PAK6: variants seen among roughly 807,000 people sequenced by gnomAD.
PAK6 encodes the protein p21 (RAC1) activated kinase 6, also known as serine/threonine-protein kinase PAK 6.
A neutral mutation model predicts 60.8 loss-of-function variants in PAK6; 33 were observed. The observed-to-expected ratio is 0.54, with a 90% CI of 0.41 to 0.73. The LOEUF (loss-of-function observed/expected upper bound fraction) is 0.73, where lower values mean the gene tolerates loss of function less well. Among genes scored for constraint, PAK6 ranks in the 30% least tolerant of loss-of-function variants. The pLI is 0.00. For missense variants in PAK6, 845 were observed against 904.1 expected (o/e 0.93, Z 0.84); for synonymous variants, 404 against 378.5 (o/e 1.07, Z -0.78).
exon 1 of PAK6, chr15:40,239,678 C>T (rs1006721342): frequency 6.6e-5 from 10 of 152,476 alleles, no homozygotes; most frequent in African/African-American, 2.4e-4. Flanking sequence ...TCCGAGCTGA[C>T]TGGAGTCCTC....
At chr15:40,267,199 G>A (rs2039166433) in intron 5 of PAK6, among the ~76,000 whole-genome samples, 4 of 148,210 alleles carry the variant, frequency 2.7e-5, no homozygotes, top group African/African-American at 1.0e-4. Flanking sequence ...CAGTGGCATG[G>A]GTAATGGAGC....
chr15:40,252,520 G>C lies in PAK6; in HGVS notation c.-117-658G>C, dbSNP rs758267511. 8 of 1,363,096 alleles carry C rather than the reference G, an allele frequency of 5.9e-6. No homozygotes were observed. In the South Asian group the frequency reaches 9.1e-5, roughly 15 times the overall value. The allele number at this position is 1,363,096 out of a possible 1,614,324, so 84.4% of individuals were successfully genotyped here. A position where few individuals can be genotyped will look rare whatever the true frequency, so the allele number is the denominator to read the frequency against. On this transcript the variant is annotated intron_variant, in intron 2 of 10. Coordinates refer to ENST00000560346, the Ensembl canonical transcript of PAK6. ...TCCCGCGCTCTGGGTTCGCCGCCGCGTCCTACCTGAGGCCACACCCTGAAA... is the reference window on the plus strand; with the variant it reads ...TCCCGCGCTCTGGGTTCGCCGCCGCCTCCTACCTGAGGCCACACCCTGAAA...
At position 40,272,853 on chromosome 15, in the gene PAK6, C is replaced by T. The variant is rs372975634; in HGVS notation, c.1357-13C>T. The T allele has an allele frequency of 2.5e-6, 4 of 1,612,424 alleles. No individual in the cohort carries two copies. In the African/African-American group the frequency reaches 4.0e-5, roughly 16 times the overall value. On this transcript the variant is annotated splice_polypyrimidine_tract_variant and intron_variant, in intron 6 of 10. Coordinates refer to ENST00000560346, the Ensembl canonical transcript of PAK6. ...GCACTGTGCCTGGCACTCAGGCCCC[C>T]GCCTGCCCCCAGGTGGTGATCATGC...
intron 5 of PAK6, among the ~76,000 whole-genome samples, chr15:40,267,564 CAGG>C (rs2039178971): frequency 6.6e-6 from 1 of 152,178 alleles, no homozygotes; most frequent in Non-Finnish European, 1.5e-5. Context: ...GAGGCTGAGG[CAGG>C]AGAATGGCGT....
chr15:40,253,534 C>G (rs945730427), intron 3 of PAK6, among the ~76,000 whole-genome samples: 1 of 152,254 alleles, frequency 6.6e-6, no homozygotes, highest in East Asian at 1.9e-4. Context: ...TCAAATGGCC[C>G]GCCCTGCCCC....
At chr15:40,265,587 G>A (rs1301113176) in intron 4 of PAK6, among the ~76,000 whole-genome samples, 2 of 152,230 alleles carry the variant, frequency 1.3e-5, no homozygotes, top group Non-Finnish European at 2.9e-5. Context: ...CATGCTGGAT[G>A]CAGCCCCATG....
At chr15:40,274,901 A>G (rs1334802094) in intron 10 of PAK6, among the ~76,000 whole-genome samples, 1 of 152,238 alleles carries the variant, frequency 6.6e-6, no homozygotes, top group East Asian at 1.9e-4. Flanking sequence ...CTGGTGGCCA[A>G]AACAAGAAAT....
intron 2 of PAK6, among the ~76,000 whole-genome samples, chr15:40,247,961 C>T (rs1022971965): frequency 3.3e-5 from 5 of 152,156 alleles, no homozygotes; most frequent in Admixed American, 2.6e-4. Flanking sequence ...GGGTTAAGAA[C>T]CTTTCACCCC....
At chr15:40,254,226 T>C (rs2038774520) in intron 3 of PAK6, among the ~76,000 whole-genome samples, 1 of 152,170 alleles carries the variant, frequency 6.6e-6, no homozygotes, top group Admixed American at 6.5e-5. Flanking sequence ...TCCTCCTCAT[T>C]AGGCGGTTGT....
exon 11 of PAK6, chr15:40,277,435 G>C (rs1231901006): frequency 6.6e-6 from 1 of 152,548 alleles, no homozygotes; most frequent in East Asian, 1.9e-4. Flanking sequence ...AGAAATTTTT[G>C]TGAATTGTTT....
At chr15:40,245,770 C>G (rs2038479741) in intron 2 of PAK6, 1 of 152,336 alleles carries the variant, frequency 6.6e-6, no homozygotes, top group South Asian at 2.1e-4. Flanking sequence ...GAGTCAGTTT[C>G]CAGCCCAGGG....
intron 2 of PAK6, among the ~76,000 whole-genome samples, chr15:40,248,524 G>A (rs865862855): frequency 6.6e-6 from 1 of 152,196 alleles, no homozygotes; most frequent in Non-Finnish European, 1.5e-5. Flanking sequence ...AGGCGACTGG[G>A]CCATCTGGGT....
chr15:40,241,875 C>T (rs1297735010), intron 2 of PAK6, among the ~76,000 whole-genome samples: 1 of 152,314 alleles, frequency 6.6e-6, no homozygotes, highest in Non-Finnish European at 1.5e-5. Context: ...AGGAGGAACC[C>T]ATAAGTGTCT....
At chr15:40,252,505 T>TGGGTTC in intron 2 of PAK6, 1 of 1,363,526 alleles carries the variant, frequency 7.3e-7, no homozygotes, top group South Asian at 1.1e-5. Flanking sequence ...TCCCGCGCTC[T>TGGGTTC]GGGTTCGCCG....
intron 4 of PAK6, among the ~76,000 whole-genome samples, 163 bp downstream of exon 4, chr15:40,265,152 G>A (rs2039087165): frequency 1.3e-5 from 2 of 152,216 alleles, no homozygotes; most frequent in Non-Finnish European, 2.9e-5. Context: ...CTCTCCCTGG[G>A]TAAGCCAGGG....
chr15:40,248,528 T>A (rs1161387796), intron 2 of PAK6, among the ~76,000 whole-genome samples: 2 of 152,182 alleles, frequency 1.3e-5, no homozygotes, highest in Non-Finnish European at 2.9e-5. Context: ...GACTGGGCCA[T>A]CTGGGTCTGT....
intron 5 of PAK6, among the ~76,000 whole-genome samples, chr15:40,269,758 G>C (rs2039249415): frequency 6.6e-6 from 1 of 152,134 alleles, no homozygotes; most frequent in African/African-American, 2.4e-5. Context: ...CTCCTGGCTG[G>C]GCCATCCCTC....
intron 2 of PAK6, chr15:40,252,396 G>A: frequency 7.5e-7 from 1 of 1,339,544 alleles, no homozygotes; most frequent in Non-Finnish European, 9.9e-7. Context: ...GGGCGGGCGG[G>A]AACTGGGGCC....
At chr15:40,251,686 A>C (rs1376747034) in intron 2 of PAK6, 1 of 152,494 alleles carries the variant, frequency 6.6e-6, no homozygotes, top group Non-Finnish European at 1.5e-5. Flanking sequence ...CTTCCTCAGC[A>C]CTCAGCCAGA....
Sources: gnomAD v4.1 joint callset for allele counts (sites outside exome capture counted in the v4.1 genomes callset) on GRCh38, gnomAD v4.1.1 for gene constraint, MANE v1.5 for transcripts, NCBI Gene and HGNC (gene_info 2026-07-23, HGNC 2026-07-21) for gene names.